The following TNRC6C variants were observed in gnomAD, a reference collection of about 807,000 sequenced individuals.
TNRC6C encodes trinucleotide repeat-containing gene 6C protein.
A neutral mutation model predicts 153.7 loss-of-function variants in TNRC6C; 20 were observed. The ratio of observed to expected loss-of-function variants is 0.13; its 90% confidence interval spans 0.09 to 0.19. The LOEUF is 0.19. TNRC6C is among the 10% of genes least tolerant of loss of function. The pLI, the probability that TNRC6C is intolerant of heterozygous loss-of-function variation, is 1.00. For missense variants in TNRC6C, 1,987 were observed against 2,172.0 expected, an observed-to-expected ratio of 0.91 and a Z score of 1.69; for synonymous variants, 811 against 841.4, an observed-to-expected ratio of 0.96 and a Z score of 0.63.
intron 1 of TNRC6C, among the ~76,000 whole-genome samples, chr17:78,017,122 G>A (rs1283403766): frequency 6.6e-6 from 1 of 152,170 alleles, no homozygotes; most frequent in East Asian, 1.9e-4. Flanking sequence ...AAAGATAGGT[G>A]GGGCTTTGGT....
intron 1 of TNRC6C, among the ~76,000 whole-genome samples, chr17:77,971,313 T>C (rs2070938256): frequency 6.6e-6 from 1 of 152,230 alleles, no homozygotes; most frequent in Admixed American, 6.5e-5. Flanking sequence ...TTTCCTAAAA[T>C]AGCTAACATG....
intron 2 of TNRC6C, among the ~76,000 whole-genome samples, chr17:78,038,388 T>C (rs2143813272): frequency 6.6e-6 from 1 of 152,232 alleles, no homozygotes; most frequent in East Asian, 1.9e-4. Flanking sequence ...AAGTATTCCC[T>C]TGTGGCTGGG....
chr17:78,067,597 C>G (rs1009273840), intron 4 of TNRC6C, among the ~76,000 whole-genome samples, 160 bp from the exon 7 acceptor site: 1 of 152,010 alleles, frequency 6.6e-6, no homozygotes, highest in Non-Finnish European at 1.5e-5. Flanking sequence ...ACATATGTAG[C>G]AAGAGAAATT....
rs1347416799 is a variant in TNRC6C at position 78,049,990 on chromosome 17, G to T, written c.928G>T (p.Ala310Ser). The T allele has an allele frequency of 6.2e-7, 1 of 1,613,852 alleles. No individual in the cohort carries two copies. The highest frequency in any genetic ancestry group is 8.5e-7 in the Non-Finnish European group (1 of 1,179,856). The change falls in exon 3 of 20, where the codon GCC becomes TCC. Residue 310 changes from alanine to serine, a missense_variant. Transcript: ENST00000301624. The surrounding 1 kb of genome is among the most constrained non-coding windows in gnomAD (Gnocchi z 4.1). ...ACCTCCTGCTGGTCCTGGAATACTC[G>T]CCTGGGGAAGGGGCAGTGGCAACAA...
At position 78,075,206 on chromosome 17, in the gene TNRC6C, C is replaced by T. The variant is rs889058928; in HGVS notation, c.2988C>T (p.Ala996=). 1.4e-5 allele frequency: 22 copies of T among 1,600,570 alleles called. No homozygotes were observed. Among genetic ancestry groups the T allele is most frequent in the African/African-American group, 2.7e-5 (2 of 74,606 alleles). Reference sequence around the variant, plus strand: ...GAGTGACCGACCATAATGGAATGGCCGCCAAGCCCCTCGGCTGCCGCCCGC... The same window carrying T: ...GAGTGACCGACCATAATGGAATGGCTGCCAAGCCCCTCGGCTGCCGCCCGC... The change falls in exon 8 of 20, where the codon GCC becomes GCT. Residue 996 remains alanine (A), a synonymous_variant. Transcript: ENST00000301624. This position sits in a 1 kb window ranked among gnomAD's most constrained non-coding sequence, Gnocchi z 4.2.
intron 1 of TNRC6C, among the ~76,000 whole-genome samples, chr17:77,977,166 A>T (rs1207071563): frequency 6.6e-6 from 1 of 152,010 alleles, no homozygotes; most frequent in Non-Finnish European, 1.5e-5. Flanking sequence ...AAACTCCTTG[A>T]AGGCAGGATT....
chr17:78,039,929 G>A (rs1229524442), intron 2 of TNRC6C, among the ~76,000 whole-genome samples: 1 of 152,210 alleles, frequency 6.6e-6, no homozygotes. Context: ...TCAGATTTCT[G>A]GAAGAACTTT....
chr17:78,083,112 G>T (rs1329369364), exon 11 of TNRC6C: 15 of 1,613,790 alleles, frequency 9.3e-6, no homozygotes, highest in East Asian at 2.2e-5. Flanking sequence ...TATTAACCTC[G>T]CCAATTAATC....
At chr17:78,028,320 C>G (rs2071987812) in intron 1 of TNRC6C, among the ~76,000 whole-genome samples, 1 of 152,128 alleles carries the variant, frequency 6.6e-6, no homozygotes, top group East Asian at 1.9e-4. Context: ...TGGAAGATCT[C>G]TAAATGAATT....
At chr17:78,044,289 C>T (rs1434972018) in intron 2 of TNRC6C, among the ~76,000 whole-genome samples, 1 of 152,138 alleles carries the variant, frequency 6.6e-6, no homozygotes, top group Non-Finnish European at 1.5e-5. Flanking sequence ...TTAACTTTAC[C>T]TTCAAGACTG....
In TNRC6C at chr17:78,058,177, C is replaced by T. The variant is rs139678532; in HGVS notation, c.2396-6545C>T. ...GCAGGACCTGCTACCTTGCGCTCTG[C>T]TGTGCATACAAAGCTATTAAGTCGT... On this transcript the variant is annotated intron_variant, in intron 3 of 19. Transcript: ENST00000301624. 1.4e-3 allele frequency among the ~76,000 whole-genome samples: 208 copies of T among 152,328 alleles called. 1 individual carries two copies. The highest frequency in any genetic ancestry group is 4.8e-3 in the African/African-American group (199 of 41,572).
chr17:78,031,592 C>T, exon 2 of TNRC6C: 2 of 1,232,384 alleles, frequency 1.6e-6, no homozygotes, highest in Non-Finnish European at 2.0e-6. Flanking sequence ...CCAGCACTAT[C>T]TCAAGCAGCA....
rs539629379 is a variant in TNRC6C, at chr17:78,077,599, T to G, written c.3210+265T>G. On this transcript the variant is annotated intron_variant, in intron 9 of 19. Transcript: ENST00000301624. ...AGCACCCTTGGTGCTAACTTGGGAC[T>G]GGCTAAAGTGATGATGTGTTGCACA... 3.4e-5 allele frequency: 17 copies of G among 507,002 alleles called. 2 individuals carry two copies. The highest frequency in any genetic ancestry group is 2.3e-4 in the African/African-American group (12 of 51,982). The allele number at this position is 507,002 out of a possible 1,614,324, so 31.4% of individuals were successfully genotyped here. A position where few individuals can be genotyped will look rare whatever the true frequency, so the allele number is the denominator to read the frequency against.
chr17:78,056,303 G>A (rs113599202), intron 3 of TNRC6C, among the ~76,000 whole-genome samples: 1 of 151,180 alleles, frequency 6.6e-6, no homozygotes, highest in African/African-American at 2.4e-5. Context: ...GATTACAGGC[G>A]ATCACCACCA....
chr17:78,107,095 C>A (rs2073711275), exon 20 of TNRC6C: 2 of 152,076 alleles, frequency 1.3e-5, no homozygotes, highest in African/African-American at 4.8e-5. Flanking sequence ...TATGTATATC[C>A]AATATGTGTG....
At chr17:78,078,260 C>T (rs2073118627) in intron 9 of TNRC6C, among the ~76,000 whole-genome samples, 1 of 152,210 alleles carries the variant, frequency 6.6e-6, no homozygotes, top group East Asian at 1.9e-4. Context: ...AGGTTCACAG[C>T]TGTTAGCTTT....
chr17:78,104,995 G>A lies in TNRC6C; in HGVS notation c.*150G>A, dbSNP rs113588386. On this transcript the variant is annotated 3_prime_UTR_variant, in exon 20 of 20. Transcript: ENST00000301624. This position sits in a 1 kb window ranked among gnomAD's most constrained non-coding sequence, Gnocchi z 6.2. ...GACGAACCTTGGCCGCAGTCCTTGC[G>A]AACTGTTCGCAAAACAGTGCGGGCT... 18,292 of 1,078,958 alleles carry A rather than the reference G, an allele frequency of 0.017. 163 individuals carry two copies. Among genetic ancestry groups the A allele is most frequent in the Middle Eastern group, 0.033 (100 of 3,004 alleles). The allele number at this position is 1,078,958 out of a possible 1,614,324, so 66.8% of individuals were successfully genotyped here.
In TNRC6C at chr17:78,019,639, GAA is replaced by G. The variant is rs1598695811; in HGVS notation, c.-545-11875_-545-11874del. On this transcript the variant is annotated intron_variant, in intron 1 of 19. Transcript: ENST00000301624. ...GAGTAACCAAAATTTCCATCTTGCT[GAA>G]AGTTTTTTAAAATTATATATGTAGT... is the stretch of plus-strand genomic sequence containing the variant. Among the ~76,000 whole-genome samples, 4 of 152,162 alleles carry G rather than the reference GAA, an allele frequency of 2.6e-5. No individual in the cohort carries two copies. The East Asian group carries it at 7.7e-4, about 29-fold the overall frequency.
At chr17:78,031,581 A>G in exon 2 of TNRC6C, 3 of 1,232,330 alleles carry the variant, frequency 2.4e-6, no homozygotes, top group Non-Finnish European at 3.0e-6. Flanking sequence ...CAGTACTTCC[A>G]CCAGCACTAT....
Sources: allele counts gnomAD v4.1 joint callset (sites outside exome capture counted in the v4.1 genomes callset), GRCh38; gene constraint gnomAD v4.1.1; non-coding constraint Gnocchi (gnomAD v3.1); transcripts MANE v1.5; gene names NCBI Gene and HGNC (gene_info 2026-07-23, HGNC 2026-07-21).